The following BRAF variants were observed in gnomAD, a reference collection of about 807,000 sequenced individuals.
BRAF encodes B-Raf proto-oncogene, serine/threonine kinase.
Under a neutral mutation model 104.6 loss-of-function variants are expected in BRAF, and 16 were observed. The ratio of observed to expected loss-of-function variants is 0.15; its 90% CI spans 0.10 to 0.23. The LOEUF (loss-of-function observed/expected upper bound fraction) is 0.23, where lower values mean the gene tolerates loss of function less well. Among genes scored for constraint, BRAF ranks in the 10% least tolerant of loss-of-function variants. The pLI is 1.00. For missense variants in BRAF, 541 were observed against 937.3 expected, an observed-to-expected ratio of 0.58 and a Z score of 5.52; for synonymous variants, 310 against 341.6, an observed-to-expected ratio of 0.91 and a Z score of 1.02.
At chr7:140,855,356 T>C (rs1809656936) in intron 1 of BRAF, among the ~76,000 whole-genome samples, 1 of 152,148 alleles carries the variant, frequency 6.6e-6, no homozygotes, top group South Asian at 2.1e-4. Context: ...CCTGTTTTAA[T>C]CTCTTCAGTA....
At position 140,722,404 on chromosome 7, in the gene BRAF, G is replaced by A; in HGVS notation, c.*4090C>T. 1 of 1,054,016 alleles carries A rather than the reference G, an allele frequency of 9.5e-7. No homozygotes were observed. Among genetic ancestry groups the A allele is most frequent in the Non-Finnish European group, 1.1e-6 (1 of 872,280 alleles). The allele number at this position is 1,054,016 out of a possible 1,614,324, so 65.3% of individuals were successfully genotyped here. ...ACAAATCACTGATTTCTGCTAAAAT[G>A]TTAGCTTTTTTATTGCATCATGAAG... On this transcript the variant is annotated 3_prime_UTR_variant, in exon 20 of 20. Coordinates refer to ENST00000644969, the MANE Select transcript of BRAF (RefSeq NM_001374258.1).
At chr7:140,921,810 A>G (rs1025202053) in intron 1 of BRAF, among the ~76,000 whole-genome samples, 2 of 151,938 alleles carry the variant, frequency 1.3e-5, no homozygotes, top group East Asian at 3.8e-4. Flanking sequence ...TTAAAAAAAA[A>G]AAACCTACAT....
chr7:140,772,407 A>C (rs1799941292), intron 14 of BRAF, among the ~76,000 whole-genome samples: 2 of 152,152 alleles, frequency 1.3e-5, no homozygotes, highest in Non-Finnish European at 1.5e-5. Context: ...GGCTCGCTTG[A>C]GCCCAGGAGT....
At chr7:140,915,049 C>CAAA (rs567503566) in intron 1 of BRAF, among the ~76,000 whole-genome samples, 46 of 61,830 alleles carry the variant, frequency 7.4e-4, no homozygotes, top group East Asian at 3.2e-3. Context: ...ACTCCGTCTC[C>CAAA]AAAAAAAAAA....
At chr7:140,865,361 T>C (rs183498872) in intron 1 of BRAF, among the ~76,000 whole-genome samples, 16 of 152,290 alleles carry the variant, frequency 1.1e-4, no homozygotes, top group African/African-American at 3.4e-4. Flanking sequence ...ATTACACACA[T>C]GAGCCACTGC....
chr7:140,781,230 C>G (rs1490728568), intron 12 of BRAF: 1 of 300,144 alleles, frequency 3.3e-6, no homozygotes, highest in Non-Finnish European at 6.4e-6. Context: ...TGCGCCCAGC[C>G]ATTAAGTACA....
intron 1 of BRAF, among the ~76,000 whole-genome samples, chr7:140,878,845 A>G (rs1191414220): frequency 6.6e-6 from 1 of 152,068 alleles, no homozygotes; most frequent in Non-Finnish European, 1.5e-5. Context: ...TATCACACGT[A>G]CCCCAGAAAT....
chr7:140,829,185 A>C (rs926965587), intron 3 of BRAF, among the ~76,000 whole-genome samples: 11 of 119,018 alleles, frequency 9.2e-5, no homozygotes, highest in Non-Finnish European at 2.0e-4. Context: ...GACTCTGTTA[A>C]GGTTTTTTTT....
chr7:140,868,501 C>T (rs1199297922), intron 1 of BRAF, among the ~76,000 whole-genome samples: 2 of 151,454 alleles, frequency 1.3e-5, no homozygotes, highest in Non-Finnish European at 2.9e-5. Flanking sequence ...TGTATGATTC[C>T]ACGTATATAA....
rs564041052 is a variant in BRAF, at chr7:140,830,766, T to C, written c.504+3843A>G. On this transcript the variant is annotated intron_variant, in intron 3 of 19. Coordinates refer to ENST00000644969, the MANE Select transcript of BRAF (RefSeq NM_001374258.1). ...CTAGAGCTTCCAGGGTGCTGAACAT[T>C]TGGAGGTAGTGGAAGGTGATGCTCC... Among the ~76,000 whole-genome samples, 58 of 152,312 alleles carry C rather than the reference T, an allele frequency of 3.8e-4. No homozygotes were observed. In the South Asian group the frequency reaches 0.012, roughly 32 times the overall value.
chr7:140,839,401 C>T (rs879823739), intron 2 of BRAF, among the ~76,000 whole-genome samples: 8 of 151,846 alleles, frequency 5.3e-5, no homozygotes, highest in Non-Finnish European at 8.8e-5. Context: ...TTTTTTCTTT[C>T]CTCCTCCTCC....
intron 17 of BRAF, among the ~76,000 whole-genome samples, chr7:140,746,305 G>A (rs1797343150): frequency 6.6e-6 from 1 of 152,116 alleles, no homozygotes; most frequent in Admixed American, 6.6e-5. Context: ...CAATTTACAA[G>A]AGAAAATGCA....
rs1400973039 is a variant in BRAF at position 140,722,298 on chromosome 7, A to C, written c.*4196T>G. ...ATGTGATTTTGGCTATAAACTCTTT[A>C]GTGCATTTACCTATGCAGTCTAAAT... On this transcript the variant is annotated 3_prime_UTR_variant, in exon 20 of 20. Transcript: ENST00000644969. The C allele has an allele frequency of 2.8e-6, 3 of 1,056,122 alleles. No individual in the cohort carries two copies. Among genetic ancestry groups the C allele is most frequent in the Non-Finnish European group, 3.4e-6 (3 of 873,630 alleles). The allele number at this position is 1,056,122 out of a possible 1,614,324, so 65.4% of individuals were successfully genotyped here.
intron 3 of BRAF, among the ~76,000 whole-genome samples, chr7:140,814,822 T>TATATATAACA (rs1562973276): frequency 2.8e-5 from 4 of 145,238 alleles, no homozygotes; most frequent in African/African-American, 1.0e-4. Flanking sequence ...CATATATAAT[T>TATATATAACA]TATATATATT....
At chr7:140,848,518 T>C (rs1021476403) in intron 2 of BRAF, among the ~76,000 whole-genome samples, 1 of 152,154 alleles carries the variant, frequency 6.6e-6, no homozygotes, top group Non-Finnish European at 1.5e-5. Flanking sequence ...AAGAGTTATG[T>C]GAGGAGGGGG....
At chr7:140,798,555 C>T (rs906787732) in intron 7 of BRAF, among the ~76,000 whole-genome samples, 26 of 147,382 alleles carry the variant, frequency 1.8e-4, no homozygotes, top group Non-Finnish European at 2.4e-4. Context: ...CCACCGCGCC[C>T]GGCCTTTTTT....
intron 1 of BRAF, among the ~76,000 whole-genome samples, chr7:140,912,261 CTGA>C (rs1443725975): frequency 6.6e-6 from 1 of 152,196 alleles, no homozygotes; most frequent in African/African-American, 2.4e-5. Flanking sequence ...TCATTCTCGG[CTGA>C]TAACCTCAAG....
chr7:140,900,545 C>A, intron 1 of BRAF, among the ~76,000 whole-genome samples: 1 of 152,180 alleles, frequency 6.6e-6, no homozygotes, highest in East Asian at 1.9e-4. Context: ...ATATAAAATT[C>A]ATCCATATTA....
At chr7:140,866,905 G>A (rs1811024783) in intron 1 of BRAF, among the ~76,000 whole-genome samples, 2 of 152,016 alleles carry the variant, frequency 1.3e-5, no homozygotes, top group Non-Finnish European at 2.9e-5. Context: ...AGTGTTTTAA[G>A]GATATAATGT....
Sources: gnomAD v4.1 joint callset for allele counts (sites outside exome capture counted in the v4.1 genomes callset) on GRCh38, gnomAD v4.1.1 for gene constraint, MANE v1.5 for transcripts, NCBI Gene and HGNC (gene_info 2026-07-23, HGNC 2026-07-21) for gene names.